The following TRMT11 variants were observed in gnomAD, a reference collection of about 807,000 sequenced individuals.
The protein encoded by TRMT11 is tRNA (guanine(10)-N(2))-methyltransferase TRMT11.
A neutral mutation model predicts 62.8 loss-of-function variants in TRMT11; 53 were observed. The ratio of observed to expected loss-of-function variants is 0.84; its 90% confidence interval spans 0.68 to 1.06. The LOEUF is 1.06. Among genes scored for constraint, TRMT11 ranks in the 50% least tolerant of loss-of-function variants. The pLI is 0.00. For missense variants in TRMT11, 556 were observed against 553.4 expected, an observed-to-expected ratio of 1.00 and a Z score of -0.05; for synonymous variants, 188 against 190.3, an observed-to-expected ratio of 0.99 and a Z score of 0.10.
intron 7 of TRMT11, among the ~76,000 whole-genome samples, chr6:126,000,346 C>T (rs1432011582): frequency 6.6e-6 from 1 of 152,076 alleles, no homozygotes; most frequent in Non-Finnish European, 1.5e-5. Flanking sequence ...GGAGCCTGTC[C>T]CTGTAGCCAT....
chr6:126,072,401 A>G (rs1486403371), intron 17 of TRMT11, among the ~76,000 whole-genome samples: 1 of 152,142 alleles, frequency 6.6e-6, no homozygotes, highest in Non-Finnish European at 1.5e-5. Context: ...AATCGGTGTT[A>G]TTTCTGCAAA....
At chr6:126,258,476 G>A in the TRMT11 span, 6 of 226,560 alleles carry the variant, frequency 2.6e-5, no homozygotes, top group Non-Finnish European at 4.4e-5. Context: ...CAGTGGGGGT[G>A]CTGGGGGACA....
intron 17 of TRMT11, among the ~76,000 whole-genome samples, chr6:126,055,802 T>C (rs192542439): frequency 3.4e-4 from 52 of 152,350 alleles, no homozygotes; most frequent in African/African-American, 1.2e-3. Context: ...TAAAGTTCTA[T>C]AGTCCATTTT....
intron 21 of TRMT11, among the ~76,000 whole-genome samples, chr6:126,155,500 G>A (rs1461359222): frequency 6.6e-6 from 1 of 151,970 alleles, no homozygotes; most frequent in Non-Finnish European, 1.5e-5. Flanking sequence ...AATAGTCCCC[G>A]CAAATCTTAA....
intron 17 of TRMT11, among the ~76,000 whole-genome samples, chr6:126,101,221 A>G (rs1033190394): frequency 6.6e-6 from 1 of 152,246 alleles, no homozygotes. Flanking sequence ...TGAAGTCTGG[A>G]CTGGGAGGGA....
At chr6:126,166,406 G>T (rs1198233614) in intron 21 of TRMT11, among the ~76,000 whole-genome samples, 2 of 152,084 alleles carry the variant, frequency 1.3e-5, no homozygotes, top group Non-Finnish European at 2.9e-5. Flanking sequence ...CTACAGGTCT[G>T]CTGGAGTTTG....
chr6:126,036,856 C>G (rs1046877316), intron 12 of TRMT11, among the ~76,000 whole-genome samples: 1 of 152,072 alleles, frequency 6.6e-6, no homozygotes, highest in African/African-American at 2.4e-5. Flanking sequence ...TGCCGTTATC[C>G]TGGCACAGTC....
chr6:126,028,522 C>T (rs1773606503), intron 12 of TRMT11, among the ~76,000 whole-genome samples: 1 of 152,092 alleles, frequency 6.6e-6, no homozygotes, highest in Admixed American at 6.5e-5. Context: ...AGACAGTAGC[C>T]TGGTGATGCT....
intron 17 of TRMT11, among the ~76,000 whole-genome samples, chr6:126,080,382 C>CA (rs1038843336): frequency 3.9e-5 from 6 of 152,076 alleles, no homozygotes; most frequent in African/African-American, 7.2e-5. Flanking sequence ...AACCACCACT[C>CA]ACAGCCTGAA....
At chr6:126,122,649 C>A (rs1235935584) in intron 21 of TRMT11, among the ~76,000 whole-genome samples, 1 of 152,136 alleles carries the variant, frequency 6.6e-6, no homozygotes, top group African/African-American at 2.4e-5. Context: ...CCCACTCATT[C>A]TCTTAGCTTT....
In TRMT11 at chr6:125,986,729, C is replaced by G. The variant is rs1583602364; in HGVS notation, c.72+107C>G. 7 of 1,084,756 alleles carry G rather than the reference C, an allele frequency of 6.5e-6. No homozygotes were observed. The East Asian group carries it at 7.9e-5, about 12-fold the overall frequency. The allele number at this position is 1,084,756 out of a possible 1,614,324, so 67.2% of individuals were successfully genotyped here. On this transcript the variant is annotated intron_variant, in intron 1 of 12. Coordinates refer to ENST00000334379, the MANE Select transcript of TRMT11 (RefSeq NM_001031712.3). ...CCCGAGGAAGCTGGGATTCGGGGGT[C>G]TTCGCTGGTCTGCGCGGGTCACGCG...
intron 21 of TRMT11, among the ~76,000 whole-genome samples, chr6:126,163,774 G>C (rs996440745): frequency 6.6e-6 from 1 of 152,140 alleles, no homozygotes; most frequent in Non-Finnish European, 1.5e-5. Flanking sequence ...GGTGTTTATA[G>C]TATTCTCTGA....
intron 11 of TRMT11, among the ~76,000 whole-genome samples, chr6:126,017,499 C>T (rs979002703): frequency 9.2e-5 from 14 of 152,166 alleles, no homozygotes; most frequent in Non-Finnish European, 1.2e-4. Flanking sequence ...TACACTCTCC[C>T]CACTCCAGTA....
At chr6:126,105,607 A>G (rs1280066011) in intron 17 of TRMT11, among the ~76,000 whole-genome samples, 1 of 149,138 alleles carries the variant, frequency 6.7e-6, no homozygotes, top group Non-Finnish European at 1.5e-5. Flanking sequence ...TTTTTTTTTT[A>G]GCTCTCATGC....
intron 7 of TRMT11, among the ~76,000 whole-genome samples, chr6:126,000,314 C>G (rs1340043310): frequency 6.6e-6 from 1 of 152,210 alleles, no homozygotes; most frequent in African/African-American, 2.4e-5. Context: ...TGACCAAGCT[C>G]ATTGTGGCTC....
intron 21 of TRMT11, among the ~76,000 whole-genome samples, chr6:126,153,220 CATT>C (rs1180212005): frequency 6.6e-6 from 1 of 152,132 alleles, no homozygotes; most frequent in African/African-American, 2.4e-5. Context: ...TTTATACAGA[CATT>C]ATTTATACAG....
intron 1 of TRMT11, among the ~76,000 whole-genome samples, chr6:126,190,198 C>G (rs1170238248): frequency 2.0e-5 from 3 of 152,114 alleles, no homozygotes; most frequent in Non-Finnish European, 4.4e-5. Context: ...ACTTCATCTA[C>G]CCGCTTTCCC....
the TRMT11 span, among the ~76,000 whole-genome samples, chr6:126,217,653 C>A: frequency 6.6e-6 from 1 of 152,142 alleles, no homozygotes; most frequent in Admixed American, 6.6e-5. Context: ...CACAAGCACC[C>A]CTGTAGCTAC....
At chr6:126,272,262 T>C in the TRMT11 span, among the ~76,000 whole-genome samples, 1 of 152,206 alleles carries the variant, frequency 6.6e-6, no homozygotes, top group Non-Finnish European at 1.5e-5. Flanking sequence ...TTTCAGAATA[T>C]GTATTTTCTG....
Sources: gnomAD v4.1 joint callset for allele counts (sites outside exome capture counted in the v4.1 genomes callset) on GRCh38, gnomAD v4.1.1 for gene constraint, MANE v1.5 for transcripts, NCBI Gene and HGNC (gene_info 2026-07-23, HGNC 2026-07-21) for gene names.